PIR: variants seen among roughly 807,000 people sequenced by gnomAD.
The protein encoded by PIR is pirin (iron-binding nuclear protein).
PIR carries 22 observed loss-of-function variants against 24.2 expected under a neutral mutation model. The ratio of observed to expected loss-of-function variants is 0.91; its 90% confidence interval spans 0.65 to 1.30. The LOEUF (loss-of-function observed/expected upper bound fraction) is 1.30. Ranked by LOEUF, PIR falls within the 50% of genes most tolerant of loss-of-function variation. The pLI is 0.00. For synonymous variants in PIR, 80 were observed against 79.6 expected (o/e 1.00, Z -0.03); for missense variants, 220 against 220.3 (o/e 1.00, Z 0.01).
chrX:15,454,480 A>C (rs1316663134), intron 5 of PIR, among the ~76,000 whole-genome samples: 6 of 109,731 alleles, frequency 5.5e-5, no homozygotes, highest in African/African-American at 1.0e-4. Flanking sequence ...AGGTAAAAAA[A>C]AAAAAAACAA....
chrX:15,442,440 C>T (rs762813905), intron 5 of PIR, among the ~76,000 whole-genome samples: 1 of 110,806 alleles, frequency 9.0e-6, no homozygotes, highest in Non-Finnish European at 1.9e-5. Context: ...ACAATGGCCT[C>T]GATGTGTTCA....
intron 6 of PIR, among the ~76,000 whole-genome samples, chrX:15,420,503 T>C (rs1178847417): frequency 3.6e-5 from 4 of 111,698 alleles, no homozygotes; most frequent in Non-Finnish European, 7.5e-5. Flanking sequence ...ATAGATCTGG[T>C]GACCATCCCT....
chrX:15,479,495 A>G (rs1922386466), intron 3 of PIR, among the ~76,000 whole-genome samples: 1 of 111,636 alleles, frequency 9.0e-6, no homozygotes, highest in Non-Finnish European at 1.9e-5. Context: ...TTACAAAAAT[A>G]TTTTAATAAG....
intron 5 of PIR, among the ~76,000 whole-genome samples, chrX:15,436,413 T>C (rs1355362170): frequency 8.9e-6 from 1 of 112,182 alleles, no homozygotes; most frequent in African/African-American, 3.2e-5. Flanking sequence ...TGGACTTTGA[T>C]TTCTTCACCC....
intron 5 of PIR, among the ~76,000 whole-genome samples, chrX:15,444,090 T>G (rs1205456032): frequency 8.9e-6 from 1 of 112,238 alleles, no homozygotes; most frequent in African/African-American, 3.2e-5. Context: ...AGTTCCACTG[T>G]GGGTAAAATA....
chrX:15,410,917 C>T (rs969276568), intron 6 of PIR, among the ~76,000 whole-genome samples: 2 of 112,209 alleles, frequency 1.8e-5, no homozygotes, highest in Admixed American at 1.9e-4. Context: ...CAGCTTGCTG[C>T]AAAAGAAAAC....
intron 5 of PIR, among the ~76,000 whole-genome samples, chrX:15,452,281 A>G (rs746420984): frequency 5.3e-5 from 6 of 112,156 alleles, no homozygotes; most frequent in African/African-American, 1.9e-4. Context: ...TCATACTTTC[A>G]TGAAATAAAC....
At chrX:15,476,910 T>C (rs1181177919) in intron 3 of PIR, among the ~76,000 whole-genome samples, 1 of 112,010 alleles carries the variant, frequency 8.9e-6, no homozygotes, top group East Asian at 2.8e-4. Context: ...TCATGGCAGA[T>C]GCTTAATGAG....
At chrX:15,445,885 T>G (rs234504) in intron 5 of PIR, among the ~76,000 whole-genome samples, 1 of 88,312 alleles carries the variant, frequency 1.1e-5, no homozygotes, top group Admixed American at 1.3e-4. Context: ...GCTGAAGTGC[T>G]GTGGCGCGAT....
At chrX:15,402,839 A>G (rs1349155827) in intron 7 of PIR, among the ~76,000 whole-genome samples, 1 of 112,163 alleles carries the variant, frequency 8.9e-6, no homozygotes, top group Non-Finnish European at 1.9e-5. Context: ...TTTACAAAGC[A>G]TCTGCCTTAG....
intron 7 of PIR, among the ~76,000 whole-genome samples, chrX:15,398,669 G>GGTGTGTGTGTGTGTGTGTGTGT (rs371177726): frequency 3.9e-5 from 3 of 76,112 alleles, no homozygotes; most frequent in Non-Finnish European, 7.6e-5. Context: ...GAGGAGGGAG[G>GGTGTGTGTGTGTGTGTGTGTGT]GTGTGTGTGT....
At chrX:15,392,038 G>T (rs34638467) in intron 8 of PIR, among the ~76,000 whole-genome samples, 5,907 of 110,362 alleles carry the variant, frequency 0.054, 161 homozygotes, top group South Asian at 0.11. Context: ...CTGCCCTCTC[G>T]CGAGGAATCC....
intron 5 of PIR, among the ~76,000 whole-genome samples, chrX:15,427,764 AAT>A (rs1485865765): frequency 4.5e-5 from 5 of 110,180 alleles, no homozygotes; most frequent in Non-Finnish European, 7.6e-5. Flanking sequence ...ATATACTGTC[AAT>A]AACCGTATTA....
intron 7 of PIR, among the ~76,000 whole-genome samples, chrX:15,398,350 C>G (rs1034938108): frequency 2.6e-4 from 29 of 111,823 alleles, no homozygotes; most frequent in Non-Finnish European, 4.7e-4. Context: ...GAAAGTGTCT[C>G]TTAAAGGCAA....
chrX:15,475,620 G>C (rs1353542229), intron 3 of PIR, among the ~76,000 whole-genome samples: 1 of 111,814 alleles, frequency 8.9e-6, no homozygotes. Context: ...GTTCATCAAC[G>C]GAGTCCGATC....
At chrX:15,416,648 G>A (rs750467168) in intron 6 of PIR, among the ~76,000 whole-genome samples, 2 of 111,684 alleles carry the variant, frequency 1.8e-5, no homozygotes, top group African/African-American at 6.5e-5. Context: ...AGAGTCTTGC[G>A]TCTAACCAGT....
At chrX:15,409,168 C>T (rs949790901) in intron 6 of PIR, among the ~76,000 whole-genome samples, 1 of 102,874 alleles carries the variant, frequency 9.7e-6, no homozygotes, top group Non-Finnish European at 2.0e-5. Flanking sequence ...GTGCGATCTC[C>T]GCTCACTGCA....
intron 6 of PIR, among the ~76,000 whole-genome samples, chrX:15,410,199 C>T (rs887076168): frequency 1.2e-4 from 13 of 110,414 alleles, no homozygotes; most frequent in African/African-American, 4.3e-4. Context: ...TGCAGTGAGC[C>T]GAGATCTCGC....
rs776203182 is a variant in PIR, at chrX:15,470,920, C to T, written c.189+8809G>A. ...GCCCAGCGCACCCCGGCCCCCCACC[C>T]CCCCAACACTCAATTTTTCTACTTA... On this transcript the variant is annotated intron_variant, in intron 3 of 9. Coordinates refer to ENST00000380420, the MANE Select transcript of PIR (RefSeq NM_001018109.3). 8.2e-5 allele frequency among the ~76,000 whole-genome samples: 9 copies of T among 110,262 alleles called. No homozygotes were observed. In the East Asian group the frequency reaches 2.3e-3, roughly 28 times the overall value.
Sources: allele counts gnomAD v4.1 joint callset (sites outside exome capture counted in the v4.1 genomes callset), GRCh38; gene constraint gnomAD v4.1.1; transcripts MANE v1.5; gene names NCBI Gene and HGNC (gene_info 2026-07-23, HGNC 2026-07-21).